FGD1: variants seen among roughly 807,000 people sequenced by gnomAD.
FGD1 encodes FYVE, RhoGEF and PH domain-containing protein 1.
FGD1 carries 12 observed loss-of-function variants against 65.0 expected under a neutral mutation model. The observed-to-expected ratio is 0.18, with a 90% CI of 0.12 to 0.30. The LOEUF is 0.30. Ranked by LOEUF, FGD1 falls within the 10% of genes least tolerant of loss-of-function variation. FGD1 has a pLI of 1.00. For missense variants in FGD1, 542 were observed against 837.6 expected, an observed-to-expected ratio of 0.65 and a Z score of 4.36; for synonymous variants, 333 against 343.9, an observed-to-expected ratio of 0.97 and a Z score of 0.35.
chrX:54,483,301 T>TG (rs1306923535), intron 1 of FGD1, among the ~76,000 whole-genome samples: 4 of 110,948 alleles, frequency 3.6e-5, no homozygotes, highest in South Asian at 7.6e-4. Flanking sequence ...ATGCATTAGG[T>TG]AGGGGGGTCC....
chrX:54,495,210 G>A lies in FGD1; in HGVS notation c.223C>T (p.Arg75Trp). 2 of 1,190,541 alleles carry A rather than the reference G, an allele frequency of 1.7e-6. No individual in the cohort carries two copies. The highest frequency in any genetic ancestry group is 2.3e-6 in the Non-Finnish European group (2 of 885,490). ...DTSLGAAPGH[R>W]VLPCGPSPQH... ...GGACTGGGACCGCAGGGCAAGACCC[G>A]GTGGCCTGGAGCAGCGCCCAGGCTG... The change falls in exon 1 of 18, where the codon CGG becomes TGG. Residue 75 changes from arginine (R) to tryptophan (W), a missense_variant. Arg to Trp is a moderately radical substitution (Grantham distance 101). This residue lies in a region of FGD1 where 297 missense variants were observed against 326.8 expected (regional missense o/e 0.91). Coordinates refer to ENST00000375135, the MANE Select transcript of FGD1 (RefSeq NM_004463.3).
At chrX:54,488,379 A>C (rs748424808) in intron 1 of FGD1, among the ~76,000 whole-genome samples, 18 of 106,846 alleles carry the variant, frequency 1.7e-4, no homozygotes, top group Non-Finnish European at 7.7e-5. Context: ...AGGTCAGGAG[A>C]TCAACACCAC....
intron 16 of FGD1, among the ~76,000 whole-genome samples, chrX:54,448,208 G>A (rs1358083003): frequency 1.9e-5 from 2 of 104,988 alleles, no homozygotes; most frequent in Non-Finnish European, 3.9e-5. Context: ...TTTTTGAGAC[G>A]GAGTTTTGCT....
rs147292632 is a variant in FGD1, at chrX:54,456,725, C to T, written c.1637-158G>A. Reference sequence around the variant, plus strand: ...ACGGCTCACCACAACCTCTGCCTCCCGGGTTCAAGCGATTCTCCTGCCTCA... The same window carrying T: ...ACGGCTCACCACAACCTCTGCCTCCTGGGTTCAAGCGATTCTCCTGCCTCA... On this transcript the variant is annotated intron_variant, in intron 8 of 17. Transcript: ENST00000375135. Among the ~76,000 whole-genome samples, 599 of 109,901 alleles carry T rather than the reference C, an allele frequency of 5.5e-3. 2 individuals carry two copies. Among genetic ancestry groups the T allele is most frequent in the Middle Eastern group, 0.029 (6 of 210 alleles).
intron 1 of FGD1, among the ~76,000 whole-genome samples, chrX:54,492,389 C>A (rs183615846): frequency 8.9e-6 from 1 of 112,316 alleles, no homozygotes; most frequent in African/African-American, 3.2e-5. Flanking sequence ...AGCAGGCACA[C>A]AGAAATCTTA....
intron 1 of FGD1, 21 bp from the exon 2 acceptor site, chrX:54,471,508 G>A: frequency 2.5e-6 from 3 of 1,202,854 alleles, no homozygotes; most frequent in African/African-American, 3.5e-5. Context: ...GGAGAAAATG[G>A]GTGTGAAGTA....
intron 1 of FGD1, among the ~76,000 whole-genome samples, chrX:54,488,269 C>CAAAAAAAA: frequency 1.8e-4 from 1 of 5,465 alleles, no homozygotes; most frequent in African/African-American, 4.9e-4. Context: ...GACTCAGTCT[C>CAAAAAAAA]AAAAAAAAAA....
chrX:54,452,266 CAAAAAAAAAAAA>C (rs776104292), intron 12 of FGD1, among the ~76,000 whole-genome samples: 2 of 28,825 alleles, frequency 6.9e-5, no homozygotes, highest in African/African-American at 2.1e-4. Flanking sequence ...GACCCTATCT[CAAAAAAAAAAAA>C]AAAAAAAAAA....
At chrX:54,459,194 T>A (rs1431087218) in intron 8 of FGD1, among the ~76,000 whole-genome samples, 2 of 111,924 alleles carry the variant, frequency 1.8e-5, no homozygotes, top group African/African-American at 6.5e-5. Flanking sequence ...GCTGATGGGC[T>A]CTGACTGGAG....
At chrX:54,464,751 A>G (rs1048080098) in intron 8 of FGD1, among the ~76,000 whole-genome samples, 12 of 111,023 alleles carry the variant, frequency 1.1e-4, no homozygotes, top group Non-Finnish European at 1.7e-4. Flanking sequence ...GGGAGGAGGT[A>G]TCTCAGCCTA....
At position 54,460,550 on chromosome X, in the gene FGD1, G is replaced by T. The variant is rs1054762385; in HGVS notation, c.1637-3983C>A. Among the ~76,000 whole-genome samples the T allele has an allele frequency of 1.6e-4, 18 of 112,141 alleles. No homozygotes were observed. In the Admixed American group the frequency reaches 1.7e-3, roughly 11 times the overall value. ...GAGGTCAAGAGATTGAGACCATCCT[G>T]GCCAACACGGTGAAACACTGTCTCT... is the stretch of plus-strand genomic sequence containing the variant. On this transcript the variant is annotated intron_variant, in intron 8 of 17. Coordinates refer to ENST00000375135, the MANE Select transcript of FGD1 (RefSeq NM_004463.3).
At chrX:54,464,678 T>A (rs1922721861) in intron 8 of FGD1, among the ~76,000 whole-genome samples, 1 of 111,060 alleles carries the variant, frequency 9.0e-6, no homozygotes, top group African/African-American at 3.3e-5. Flanking sequence ...GGGTTCAGGT[T>A]GATACTGGAG....
intron 1 of FGD1, among the ~76,000 whole-genome samples, chrX:54,478,248 A>C (rs981009037): frequency 8.9e-6 from 1 of 111,936 alleles, no homozygotes; most frequent in Admixed American, 9.5e-5. Flanking sequence ...CCTTCAAGAC[A>C]GCACCTGGTA....
chrX:54,465,431 G>A lies in FGD1; in HGVS notation c.1636+20C>T. The A allele has an allele frequency of 8.3e-7, 1 of 1,199,694 alleles. No individual in the cohort carries two copies. The stretch of plus-strand genomic sequence containing the variant: ...TATTAGTGTGGAGAAGTAGGAAGGG[G>A]CCTGGGTGCACACACTCACTTTGGG... On this transcript the variant is annotated intron_variant, in intron 8 of 17. Transcript: ENST00000375135.
At chrX:54,491,458 G>A (rs181375317) in intron 1 of FGD1, among the ~76,000 whole-genome samples, 3 of 112,288 alleles carry the variant, frequency 2.7e-5, no homozygotes, top group South Asian at 7.3e-4. Flanking sequence ...CTCCATTTGC[G>A]GTTGGGAGTG....
In FGD1 at chrX:54,446,244, G is replaced by A. The variant is rs886042551; in HGVS notation, c.2751C>T (p.Gly917=). The stretch of plus-strand genomic sequence containing the variant: ...AGAACGTGTCCCCTCGGCCCGCCCG[G>A]CCAAGCACAGCCATCCAGCGTCGCT... ...ELQRRWMAVL[G]RAGRGDTFCP... The change falls in exon 18 of 18, where the codon GGC becomes GGT. Residue 917 remains glycine (G), a synonymous_variant. Coordinates refer to ENST00000375135, the MANE Select transcript of FGD1 (RefSeq NM_004463.3). 1 of 1,211,822 alleles carries A rather than the reference G, an allele frequency of 8.3e-7. No homozygotes were observed. The highest frequency in any genetic ancestry group is 1.1e-6 in the Non-Finnish European group (1 of 895,465).
chrX:54,470,774 TGGG>T lies in FGD1; in HGVS notation c.482-17_482-15del. 3.0e-6 allele frequency: 3 copies of T among 1,008,782 alleles called. No individual in the cohort carries two copies. The South Asian group carries it at 6.7e-5, about 23-fold the overall frequency. 83.1% of individuals were successfully genotyped at this position (1,008,782 alleles called of 1,213,427 possible). A position where few individuals can be genotyped will look rare whatever the true frequency, so the allele number is the denominator to read the frequency against. On this transcript the variant is annotated splice_polypyrimidine_tract_variant and intron_variant, in intron 2 of 17. Coordinates refer to ENST00000375135, the MANE Select transcript of FGD1 (RefSeq NM_004463.3). ...GCTTTGGGGGCACTGGAGAGACGAATGGGGAAGAGAGAAGGGAGACATCAGTGA... is the reference window on the plus strand; with the variant it reads ...GCTTTGGGGGCACTGGAGAGACGAATGAAGAGAGAAGGGAGACATCAGTGA...
At chrX:54,485,885 C>T (rs947380432) in intron 1 of FGD1, among the ~76,000 whole-genome samples, 2 of 109,602 alleles carry the variant, frequency 1.8e-5, no homozygotes, top group Non-Finnish European at 3.8e-5. Flanking sequence ...AGCAATTCTC[C>T]TGCCTCAGTC....
At chrX:54,492,727 G>A (rs763339859) in intron 1 of FGD1, among the ~76,000 whole-genome samples, 7 of 111,124 alleles carry the variant, frequency 6.3e-5, no homozygotes, top group Non-Finnish European at 9.4e-5. Flanking sequence ...CCTGGTTGCT[G>A]AGGATTTATA....
Sources: gnomAD v4.1 joint callset for allele counts (sites outside exome capture counted in the v4.1 genomes callset) on GRCh38, gnomAD v4.1.1 for gene constraint, gnomAD v4.1.1 regional missense constraint, MANE v1.5 for transcripts, NCBI Gene and HGNC (gene_info 2026-07-23, HGNC 2026-07-21) for gene names.